Variants in RANBP2 observed in about 807,000 individuals in gnomAD.
The protein encoded by RANBP2 is E3 SUMO-protein ligase RanBP2.
Under a neutral mutation model 303.6 loss-of-function variants are expected in RANBP2, and 57 were observed. The ratio of observed to expected loss-of-function variants is 0.19; its 90% CI spans 0.15 to 0.23. The LOEUF is 0.23. Ranked by LOEUF, RANBP2 falls within the 10% of genes least tolerant of loss-of-function variation. The probability of loss-of-function intolerance (pLI) is 1.00; values close to 1 mark genes in which losing one functional copy is unlikely to be tolerated. For synonymous variants in RANBP2, 1,167 were observed against 1,301.5 expected (o/e 0.90, Z 2.23); for missense variants, 3,138 against 3,780.8 (o/e 0.83, Z 4.46).
At chr2:109,005,107 C>T in the RANBP2 span, among the ~76,000 whole-genome samples, 1 of 152,214 alleles carries the variant, frequency 6.6e-6, no homozygotes, top group Non-Finnish European at 1.5e-5. Context: ...CCTAATCCAA[C>T]TCAAGACATA....
the RANBP2 span, among the ~76,000 whole-genome samples, chr2:109,187,413 C>T: frequency 2.5e-4 from 38 of 151,842 alleles, no homozygotes; most frequent in African/African-American, 8.5e-4. Flanking sequence ...TGCTTAAGGC[C>T]GCACACACGT....
the RANBP2 span, among the ~76,000 whole-genome samples, chr2:109,123,497 A>G: frequency 6.6e-6 from 1 of 151,388 alleles, no homozygotes; most frequent in Non-Finnish European, 1.5e-5. Context: ...CCTGCTGCCT[A>G]TATGCGGATG....
the RANBP2 span, chr2:108,812,664 G>A: frequency 1.2e-6 from 2 of 1,613,184 alleles, no homozygotes; most frequent in Admixed American, 1.7e-5. Context: ...CAGGAAGATA[G>A]ACATTCAGGC....
At chr2:108,834,744 A>C in the RANBP2 span, among the ~76,000 whole-genome samples, 1 of 152,214 alleles carries the variant, frequency 6.6e-6, no homozygotes, top group African/African-American at 2.4e-5. Flanking sequence ...CCCGTTTAAC[A>C]ATATCTTCCC....
chr2:108,816,482 G>T, the RANBP2 span, among the ~76,000 whole-genome samples: 1 of 151,892 alleles, frequency 6.6e-6, no homozygotes, highest in African/African-American at 2.4e-5. Context: ...AATTTGAGGG[G>T]CTGCCTCTGA....
At chr2:109,239,613 G>A in the RANBP2 span, among the ~76,000 whole-genome samples, 1 of 152,158 alleles carries the variant, frequency 6.6e-6, no homozygotes, top group South Asian at 2.1e-4. Context: ...AGCCAGGCGT[G>A]ATCATCCAGG....
chr2:109,549,658 C>CT, the RANBP2 span, among the ~76,000 whole-genome samples: 1 of 152,096 alleles, frequency 6.6e-6, no homozygotes, highest in Admixed American at 6.5e-5. Context: ...TACGATAGTC[C>CT]CCCCTTTTCC....
At chr2:109,564,199 A>G in the RANBP2 span, 2 of 536,462 alleles carry the variant, frequency 3.7e-6, no homozygotes, top group Non-Finnish European at 5.8e-6. Flanking sequence ...AAAAGCAAGA[A>G]GGAGTCAAGT....
At chr2:109,302,328 G>T in the RANBP2 span, among the ~76,000 whole-genome samples, 1 of 152,242 alleles carries the variant, frequency 6.6e-6, no homozygotes, top group Non-Finnish European at 1.5e-5. Flanking sequence ...GATCAGTCAG[G>T]ATGGGAAAGT....
the RANBP2 span, among the ~76,000 whole-genome samples, chr2:109,140,393 T>G: frequency 2.0e-5 from 3 of 152,168 alleles, no homozygotes. Flanking sequence ...TGCCTTTTTT[T>G]TTTTAGAGAC....
chr2:109,070,094 G>T, the RANBP2 span, among the ~76,000 whole-genome samples: 1 of 152,192 alleles, frequency 6.6e-6, no homozygotes, highest in African/African-American at 2.4e-5. Context: ...TGGGAAGACA[G>T]GCAGAGAGAC....
the RANBP2 span, among the ~76,000 whole-genome samples, chr2:109,726,431 AAAAACAAACGAACAAACAAAC>A: frequency 3.9e-5 from 6 of 152,080 alleles, no homozygotes; most frequent in African/African-American, 1.2e-4. Context: ...CCAAAAAACA[AAAAACAAACGAACAAACAAAC>A]AAAACAAAAC....
the RANBP2 span, among the ~76,000 whole-genome samples, chr2:109,487,835 A>AAC: frequency 6.6e-6 from 1 of 152,162 alleles, no homozygotes; most frequent in Non-Finnish European, 1.5e-5. Flanking sequence ...CATTCAGCAA[A>AAC]CAAGTGTTGA....
chr2:109,086,687 T>A, the RANBP2 span, among the ~76,000 whole-genome samples: 1 of 152,210 alleles, frequency 6.6e-6, no homozygotes, highest in African/African-American at 2.4e-5. Context: ...ACACTGACTC[T>A]GCTGTGGGAC....
At chr2:108,791,951 CTTA>C in the RANBP2 span, 6 of 790,930 alleles carry the variant, frequency 7.6e-6, no homozygotes, top group African/African-American at 7.1e-5. Context: ...AGTTACTGTG[CTTA>C]TTATTAAACT....
chr2:109,278,176 T>TA, the RANBP2 span, among the ~76,000 whole-genome samples: 52,692 of 147,456 alleles, frequency 0.36, 9,312 homozygotes, highest in South Asian at 0.43. Context: ...GACCCAATCT[T>TA]AAAAAAAAAA....
At chr2:108,720,330 C>T (rs1573667056) in intron 1 of RANBP2, among the ~76,000 whole-genome samples, 1 of 149,308 alleles carries the variant, frequency 6.7e-6, no homozygotes, top group African/African-American at 2.5e-5. Context: ...CCTCCCCGCC[C>T]GGAACACTTT....
the RANBP2 span, among the ~76,000 whole-genome samples, chr2:109,467,739 CCT>C: frequency 1.3e-5 from 2 of 152,220 alleles, no homozygotes; most frequent in African/African-American, 4.8e-5. Context: ...TGAAGCAGCT[CCT>C]CTCTGATTTA....
the RANBP2 span, among the ~76,000 whole-genome samples, chr2:109,231,288 A>G: frequency 1.3e-5 from 2 of 152,200 alleles, no homozygotes; most frequent in Non-Finnish European, 2.9e-5. Context: ...TGGTGGGTGG[A>G]TGTGGGAGAG....
Sources: gnomAD v4.1 joint callset for allele counts (sites outside exome capture counted in the v4.1 genomes callset) on GRCh38, gnomAD v4.1.1 for gene constraint, MANE v1.5 for transcripts, NCBI Gene and HGNC (gene_info 2026-07-23, HGNC 2026-07-21) for gene names.